GAS6: variants seen among roughly 807,000 people sequenced by gnomAD.
The protein encoded by GAS6 is growth arrest-specific protein 6.
A neutral mutation model predicts 75.8 loss-of-function variants in GAS6; 41 were observed. That is an observed-to-expected ratio of 0.54 (90% CI 0.42 to 0.70). GAS6 has a LOEUF of 0.70. Ranked by LOEUF, GAS6 falls within the 30% of genes least tolerant of loss-of-function variation. GAS6 has a pLI of 0.00. For missense variants in GAS6, 854 were observed against 940.2 expected (o/e 0.91, Z 1.20); for synonymous variants, 432 against 412.6 (o/e 1.05, Z -0.57).
chr13:113,844,552 T>C lies in GAS6; in HGVS notation c.343+1975A>G, dbSNP rs182804681. The C allele has an allele frequency of 7.8e-4, 117 of 150,754 alleles. 3 individuals are homozygous for C. Among genetic ancestry groups the C allele is most frequent in the South Asian group, 6.2e-4 (3 of 4,824 alleles). 9.3% of individuals were successfully genotyped at this position (150,754 alleles called of 1,614,324 possible). A position where few individuals can be genotyped will look rare whatever the true frequency, so the allele number is the denominator to read the frequency against. On this transcript the variant is annotated intron_variant, in intron 4 of 14. Coordinates refer to ENST00000327773, the MANE Select transcript of GAS6 (RefSeq NM_000820.4). The surrounding 1 kb of genome is among the most constrained non-coding windows in gnomAD (Gnocchi z 5.7). Reference sequence around the variant, plus strand: ...AACACTGTTCAGACACAGTCTCCGATATATGAATGGCAAGCCCAGTTAAAA... The same window carrying C: ...AACACTGTTCAGACACAGTCTCCGACATATGAATGGCAAGCCCAGTTAAAA...
chr13:113,836,864 G>A (rs1393786117), intron 6 of GAS6, among the ~76,000 whole-genome samples: 1 of 79,438 alleles, frequency 1.3e-5, no homozygotes, highest in Non-Finnish European at 2.6e-5. Context: ...GAGGAGGAGG[G>A]GGAGTGGGGA....
intron 2 of GAS6, among the ~76,000 whole-genome samples, chr13:113,857,669 G>A (rs1220061655): frequency 1.3e-5 from 2 of 152,210 alleles, no homozygotes; most frequent in African/African-American, 4.8e-5. Context: ...CCTTTACTCA[G>A]AATCTCAAGA....
At chr13:113,830,904 T>C (rs2051622718) in intron 10 of GAS6, among the ~76,000 whole-genome samples, 1 of 152,260 alleles carries the variant, frequency 6.6e-6, no homozygotes, top group African/African-American at 2.4e-5. Flanking sequence ...CTTTGCTTTC[T>C]GTAGCTTTGC....
chr13:113,821,532 G>A (rs7491949), intron 14 of GAS6: 25,000 of 235,288 alleles, frequency 0.11, 2,664 homozygotes, highest in African/African-American at 0.31. Context: ...TGTAGCCCAT[G>A]GGACACGGCA....
intron 3 of GAS6, chr13:113,847,178 A>C (rs2051841024): frequency 3.4e-6 from 1 of 295,978 alleles, no homozygotes; most frequent in Non-Finnish European, 6.8e-6. Flanking sequence ...CAGGCGCAGA[A>C]CGGCACGGAT....
At position 113,863,890 on chromosome 13, in the gene GAS6, C is replaced by T. The variant is rs2051994784; in HGVS notation, c.31G>A (p.Ala11Thr). The change falls in exon 1 of 15, where the codon GCC (alanine) becomes ACC (threonine). Residue 11 changes from alanine (A) to threonine (T), a missense_variant. Transcript: ENST00000327773. This position sits in a 1 kb window ranked among gnomAD's most constrained non-coding sequence, Gnocchi z 9.4. MAPSLSPGPA[A>T]LRRAPQLLLL... ...AGCAGCTGCGGCGCGCGGCGCAGGGCGGCGGGCCCGGGCGAGAGCGAAGGG... is the reference window on the plus strand; with the variant it reads ...AGCAGCTGCGGCGCGCGGCGCAGGGTGGCGGGCCCGGGCGAGAGCGAAGGG... 1 of 1,193,120 alleles carries T rather than the reference C, an allele frequency of 8.4e-7. No individual in the cohort carries two copies. Among genetic ancestry groups the T allele is most frequent in the Non-Finnish European group, 1.0e-6 (1 of 965,480 alleles). 73.9% of individuals were successfully genotyped at this position (1,193,120 alleles called of 1,614,324 possible).
intron 2 of GAS6, among the ~76,000 whole-genome samples, chr13:113,852,188 G>A (rs2051881447): frequency 6.6e-6 from 1 of 152,256 alleles, no homozygotes; most frequent in South Asian, 2.1e-4. Flanking sequence ...TTTAGGCACA[G>A]ACCTTCTTTT....
chr13:113,838,561 C>T (rs1235967189), intron 5 of GAS6, among the ~76,000 whole-genome samples: 2 of 126,690 alleles, frequency 1.6e-5, no homozygotes, highest in African/African-American at 6.1e-5. Context: ...AGCCCAGCCC[C>T]GGAGCAGGAG....
In GAS6 at chr13:113,844,501, G is replaced by A. The variant is rs2051817368; in HGVS notation, c.343+2026C>T. On this transcript the variant is annotated intron_variant, in intron 4 of 14. Transcript: ENST00000327773. The surrounding 1 kb of genome is among the most constrained non-coding windows in gnomAD (Gnocchi z 5.7). ...AGAAAAGTGCTCCAAGGGACGGACA[G>A]GACGGTGCCGGGGTTAGGAAAGCGC... The A allele has an allele frequency of 6.6e-6, 1 of 150,660 alleles. No individual in the cohort carries two copies. The highest frequency in any genetic ancestry group is 6.6e-5 in the Admixed American group (1 of 15,242). 9.3% of individuals were successfully genotyped at this position (150,660 alleles called of 1,614,324 possible).
chr13:113,851,587 G>GGATGGATGGA (rs2051876466), intron 2 of GAS6, among the ~76,000 whole-genome samples: 2 of 151,880 alleles, frequency 1.3e-5, no homozygotes, highest in African/African-American at 4.8e-5. Flanking sequence ...ATGGGTGACT[G>GGATGGATGGA]GATGGATGGA....
Position 113,821,986 on chromosome 13 carries a change from G to T in GAS6, c.1854C>A (p.Pro618=). The T allele has an allele frequency of 6.5e-7, 1 of 1,545,288 alleles. No individual in the cohort carries two copies. Among genetic ancestry groups the T allele is most frequent in the East Asian group, 2.4e-5 (1 of 41,320 alleles). ...GCAGGCCGCCAGCAAAGGTGAGCAC[G>T]GGGCTCCGCAGGTGCCTCTCGAGCA... ...LAVLERHLRS[P]VLTFAGGLPD... Residue 618 remains proline (P), a synonymous_variant, in exon 14 of 15, where the codon CCC becomes CCA. Transcript: ENST00000327773.
chr13:113,823,685 T>C lies in GAS6; in HGVS notation c.1478-135A>G. The C allele has an allele frequency of 1.3e-5, 11 of 860,410 alleles. 1 individual carries two copies. The highest frequency in any genetic ancestry group is 1.2e-5 in the Non-Finnish European group (7 of 573,846). The allele number at this position is 860,410 out of a possible 1,614,324, so 53.3% of individuals were successfully genotyped here. ...AGACAGCCCCGGATCTGGGACGTGA[T>C]GGAAAACTCAACAGACTGGTTCAGA... On this transcript the variant is annotated intron_variant, in intron 12 of 14. Transcript: ENST00000327773.
intron 7 of GAS6, among the ~76,000 whole-genome samples, chr13:113,835,177 AAG>A (rs1489666801): frequency 1.3e-5 from 2 of 152,224 alleles, no homozygotes; most frequent in Non-Finnish European, 1.5e-5. Context: ...GGCGGCTGGA[AAG>A]AGAGAACAGT....
Position 113,837,966 on chromosome 13 carries a change from A to G in GAS6, c.589+103T>C. The G allele has an allele frequency of 2.1e-6, 3 of 1,449,920 alleles. No individual in the cohort carries two copies. The highest frequency in any genetic ancestry group is 2.8e-6 in the Non-Finnish European group (3 of 1,063,236). The allele number at this position is 1,449,920 out of a possible 1,614,324, so 89.8% of individuals were successfully genotyped here. ...AGGATGCCCCATCCCATCCAGAACC[A>G]CAGGAACCCAGCCAGCAGCAGCCGC... On this transcript the variant is annotated intron_variant, in intron 6 of 14. Coordinates refer to ENST00000327773, the MANE Select transcript of GAS6 (RefSeq NM_000820.4). The surrounding 1 kb of genome is among the most constrained non-coding windows in gnomAD (Gnocchi z 5.1).
At chr13:113,828,764 C>T in intron 10 of GAS6, 53 bp from the exon 11 acceptor site, 4 of 1,576,692 alleles carry the variant, frequency 2.5e-6, no homozygotes, top group Non-Finnish European at 3.5e-6. Context: ...TCTGAAGGGG[C>T]TCCCAACTGA....
chr13:113,862,188 G>A (rs1226311028), intron 2 of GAS6, among the ~76,000 whole-genome samples: 2 of 152,232 alleles, frequency 1.3e-5, no homozygotes, highest in Non-Finnish European at 2.9e-5. Flanking sequence ...ATTGACATGG[G>A]CCCTGCAGGT....
At chr13:113,834,510 G>T in intron 8 of GAS6, 41 bp downstream of exon 8, 1 of 1,467,348 alleles carries the variant, frequency 6.8e-7, no homozygotes, top group Non-Finnish European at 9.0e-7. Flanking sequence ...GAGGGCCCCC[G>T]GAACCACCGT....
At chr13:113,828,087 C>A (rs893240935) in intron 11 of GAS6, among the ~76,000 whole-genome samples, 1 of 152,064 alleles carries the variant, frequency 6.6e-6, no homozygotes, top group Non-Finnish European at 1.5e-5. Flanking sequence ...CACGGCGAAA[C>A]CCCGTCTCTA....
intron 11 of GAS6, among the ~76,000 whole-genome samples, chr13:113,827,930 C>T (rs1206077404): frequency 6.6e-6 from 1 of 152,122 alleles, no homozygotes; most frequent in African/African-American, 2.4e-5. Flanking sequence ...GGCAGAGTTA[C>T]AAAACCCAAA....
Sources: gnomAD v4.1 joint callset for allele counts (sites outside exome capture counted in the v4.1 genomes callset) on GRCh38, gnomAD v4.1.1 for gene constraint, Gnocchi (gnomAD v3.1) non-coding constraint, MANE v1.5 for transcripts, NCBI Gene and HGNC (gene_info 2026-07-23, HGNC 2026-07-21) for gene names.